Variants in DCC observed in about 807,000 individuals in gnomAD.
DCC encodes the protein DCC netrin 1 receptor.
A neutral mutation model predicts 172.5 loss-of-function variants in DCC; 58 were observed. The observed-to-expected ratio is 0.34, with a 90% CI of 0.27 to 0.42. The LOEUF (loss-of-function observed/expected upper bound fraction) is 0.42. DCC is among the 10% of genes least tolerant of loss of function. The pLI, the probability that DCC is intolerant of heterozygous loss-of-function variation, is 1.00. For missense variants in DCC, 1,740 were observed against 1,791.0 expected (o/e 0.97, Z 0.51); for synonymous variants, 709 against 644.5 (o/e 1.10, Z -1.52).
intron 1 of DCC, among the ~76,000 whole-genome samples, chr18:52,406,577 G>C (rs1451475093): frequency 6.6e-6 from 1 of 152,034 alleles, no homozygotes; most frequent in Non-Finnish European, 1.5e-5. Context: ...ACATAGTCCA[G>C]GAATGATCCT....
chr18:53,141,250 G>T (rs1016281622), intron 7 of DCC, among the ~76,000 whole-genome samples: 3 of 152,154 alleles, frequency 2.0e-5, no homozygotes, highest in African/African-American at 7.2e-5. Flanking sequence ...ATAGTGAAAT[G>T]ATTTGAATAT....
chr18:52,649,640 C>T (rs993566575), intron 1 of DCC, among the ~76,000 whole-genome samples: 8 of 152,004 alleles, frequency 5.3e-5, no homozygotes, highest in African/African-American at 1.9e-4. Context: ...ATTTAGCTTC[C>T]ACCTCTAAAT....
At chr18:53,038,920 TGTAAG>T (rs1042804666) in intron 5 of DCC, among the ~76,000 whole-genome samples, 13 of 151,280 alleles carry the variant, frequency 8.6e-5, no homozygotes, top group Non-Finnish European at 1.2e-4. Flanking sequence ...AACTCAAACA[TGTAAG>T]GGAAGGACAC....
intron 5 of DCC, among the ~76,000 whole-genome samples, chr18:52,957,374 C>T (rs533845202): frequency 8.6e-5 from 13 of 151,578 alleles, no homozygotes; most frequent in Middle Eastern, 3.4e-3. Flanking sequence ...GTAGAGCAAT[C>T]GATATTTCAA....
chr18:52,823,024 CAT>C (rs2038436921), intron 2 of DCC, among the ~76,000 whole-genome samples: 1 of 152,104 alleles, frequency 6.6e-6, no homozygotes, highest in Admixed American at 6.5e-5. Context: ...CCCATGAAAA[CAT>C]AAGACTAAAT....
intron 1 of DCC, among the ~76,000 whole-genome samples, chr18:52,714,707 G>T (rs1226499014): frequency 1.3e-5 from 2 of 152,210 alleles, no homozygotes; most frequent in Non-Finnish European, 2.9e-5. Context: ...CCATTAAAAG[G>T]ATTCAATGAT....
At chr18:52,876,332 T>G (rs1260827626) in intron 2 of DCC, among the ~76,000 whole-genome samples, 3 of 152,182 alleles carry the variant, frequency 2.0e-5, no homozygotes, top group African/African-American at 7.2e-5. Flanking sequence ...TTCTCAGTGA[T>G]AAATGCCATT....
intron 21 of DCC, among the ~76,000 whole-genome samples, chr18:53,427,497 T>C (rs930447550): frequency 6.6e-6 from 1 of 152,022 alleles, no homozygotes; most frequent in Non-Finnish European, 1.5e-5. Context: ...TATTGGGCTT[T>C]AGCTGTGTGG....
chr18:52,966,594 C>T (rs763642021), intron 5 of DCC, among the ~76,000 whole-genome samples: 3 of 152,094 alleles, frequency 2.0e-5, no homozygotes, highest in Admixed American at 6.6e-5. Flanking sequence ...CAGTGAAAAG[C>T]AAGGGTTCAA....
chr18:52,403,262 C>T (rs1180895216), intron 1 of DCC, among the ~76,000 whole-genome samples: 3 of 151,994 alleles, frequency 2.0e-5, no homozygotes, highest in Non-Finnish European at 4.4e-5. Flanking sequence ...ATCCTGGTGA[C>T]ATATCTCAGA....
intron 7 of DCC, among the ~76,000 whole-genome samples, chr18:53,090,732 A>AAAAAAAAAAAAAAAAAAAAAAAAT (rs1568298492): frequency 1.2e-4 from 15 of 129,152 alleles, no homozygotes; most frequent in Non-Finnish European, 2.3e-4. Context: ...AAAAAAAAAA[A>AAAAAAAAAAAAAAAAAAAAAAAAT]AAGAATGTAT....
rs35891220 is a variant in DCC, at chr18:53,450,528, G to A, written c.3258G>A (p.Pro1086=). Residue 1086 remains proline (P), a synonymous_variant, in exon 23 of 29, where the codon CCG becomes CCA. Transcript: ENST00000442544. ...CGCCAATTGGACAAATGCACCCCCC[G>A]CATGGCAGTGTCACTCCTCAGAAGA... The part of the protein sequence containing the change: ...NEPPIGQMHP[P]HGSVTPQKNS... 16,936 of 1,613,706 alleles carry A rather than the reference G, an allele frequency of 0.01. 624 individuals carry two copies. In the African/African-American group the frequency reaches 0.11, roughly 10 times the overall value.
intron 1 of DCC, among the ~76,000 whole-genome samples, chr18:52,440,927 C>T (rs1987951889): frequency 6.6e-6 from 1 of 152,188 alleles, no homozygotes; most frequent in Admixed American, 6.5e-5. Flanking sequence ...CAAGTAATTT[C>T]ATAGTGCAAT....
At chr18:52,703,248 C>A (rs2036154910) in intron 1 of DCC, among the ~76,000 whole-genome samples, 2 of 152,110 alleles carry the variant, frequency 1.3e-5, no homozygotes, top group African/African-American at 4.8e-5. Context: ...TCTCTTGGAC[C>A]CAACTTCTAT....
In DCC at chr18:53,260,020, C is replaced by T. The variant is rs144792151; in HGVS notation, c.1911+44423C>T. 1.2e-4 allele frequency among the ~76,000 whole-genome samples: 19 copies of T among 152,302 alleles called. No individual in the cohort carries two copies. In the East Asian group the frequency reaches 3.5e-3, roughly 28 times the overall value. On this transcript the variant is annotated intron_variant, in intron 12 of 28. Coordinates refer to ENST00000442544, the MANE Select transcript of DCC (RefSeq NM_005215.4). ...TGGCTACTGAGGCTTTTGCATTCGT[C>T]ATGTATTTCTCGTGCCATGGTTTTC...
chr18:53,134,013 A>C (rs975738949), intron 7 of DCC, among the ~76,000 whole-genome samples: 1 of 152,168 alleles, frequency 6.6e-6, no homozygotes, highest in African/African-American at 2.4e-5. Context: ...AGCTAGGTTA[A>C]TGGAGTCAGA....
chr18:52,770,928 C>T (rs577502363), intron 2 of DCC, among the ~76,000 whole-genome samples: 140 of 152,304 alleles, frequency 9.2e-4, no homozygotes, highest in Admixed American at 5.8e-3. Context: ...GAGATCATTT[C>T]GTTTTCTATA....
At chr18:53,383,258 A>G (rs1317304188) in intron 15 of DCC, among the ~76,000 whole-genome samples, 1 of 152,084 alleles carries the variant, frequency 6.6e-6, no homozygotes, top group Non-Finnish European at 1.5e-5. Context: ...GGGGCTGTAA[A>G]ACAGCAATAT....
intron 1 of DCC, among the ~76,000 whole-genome samples, chr18:52,684,511 G>T (rs1004207742): frequency 1.3e-5 from 2 of 151,804 alleles, no homozygotes; most frequent in African/African-American, 4.8e-5. Flanking sequence ...TGTGGTGATC[G>T]TACACTCTCT....
Sources: allele counts gnomAD v4.1 joint callset (sites outside exome capture counted in the v4.1 genomes callset), GRCh38; gene constraint gnomAD v4.1.1; transcripts MANE v1.5; gene names NCBI Gene and HGNC (gene_info 2026-07-23, HGNC 2026-07-21).